The following TM9SF3 variants were observed in gnomAD, a reference collection of about 807,000 sequenced individuals.
TM9SF3 encodes the protein transmembrane 9 superfamily member 3, also known as SM-11044-binding protein.
TM9SF3 carries 14 observed loss-of-function variants against 78.6 expected under a neutral mutation model. The ratio of observed to expected loss-of-function variants is 0.18; its 90% CI spans 0.12 to 0.28. The LOEUF (loss-of-function observed/expected upper bound fraction) is 0.28. TM9SF3 is among the 10% of genes least tolerant of loss of function. The pLI is 1.00. For synonymous variants in TM9SF3, 231 were observed against 241.7 expected (o/e 0.96, Z 0.41); for missense variants, 496 against 721.9 (o/e 0.69, Z 3.59).
At chr10:96,549,045 C>T (rs1045162015) in intron 7 of TM9SF3, among the ~76,000 whole-genome samples, 3 of 152,100 alleles carry the variant, frequency 2.0e-5, no homozygotes, top group Non-Finnish European at 4.4e-5. Context: ...CTACACCTGC[C>T]ACAGCCTTAC....
chr10:96,540,794 T>G (rs1226258651), intron 9 of TM9SF3, among the ~76,000 whole-genome samples: 37 of 122,836 alleles, frequency 3.0e-4, no homozygotes, highest in African/African-American at 9.0e-4. Context: ...TTTTTTTTTT[T>G]GAGATGGAGT....
Position 96,522,458 on chromosome 10 carries a change from T to C in TM9SF3, c.1703-128A>G. The C allele has an allele frequency of 5.7e-6, 4 of 703,214 alleles. No homozygotes were observed. The East Asian group carries it at 1.3e-4, about 23-fold the overall frequency. The allele number at this position is 703,214 out of a possible 1,614,324, so 43.6% of individuals were successfully genotyped here. On this transcript the variant is annotated intron_variant, in intron 14 of 14. Transcript: ENST00000371142. ...AAAGAAAATATCCTTATGTTAGTATTCTCTCTGAACTTACTAAAACTGTAT... is the reference window on the plus strand; with the variant it reads ...AAAGAAAATATCCTTATGTTAGTATCCTCTCTGAACTTACTAAAACTGTAT...
chr10:96,580,274 G>T (rs1179238211), intron 1 of TM9SF3, among the ~76,000 whole-genome samples: 1 of 151,958 alleles, frequency 6.6e-6, no homozygotes, highest in Non-Finnish European at 1.5e-5. Flanking sequence ...TTGTGTGTGT[G>T]TGTGTGTGTG....
At chr10:96,563,216 C>T (rs970278271) in intron 3 of TM9SF3, among the ~76,000 whole-genome samples, 1 of 152,112 alleles carries the variant, frequency 6.6e-6, no homozygotes, top group Admixed American at 6.5e-5. Context: ...GTTAGGACTA[C>T]AGGCAAGTGC....
At chr10:96,584,139 T>C (rs1347705158) in intron 1 of TM9SF3, among the ~76,000 whole-genome samples, 1 of 152,212 alleles carries the variant, frequency 6.6e-6, no homozygotes, top group Non-Finnish European at 1.5e-5. Context: ...GCAATTAACC[T>C]AAAAGGCCAG....
intron 9 of TM9SF3, among the ~76,000 whole-genome samples, chr10:96,538,979 C>T (rs1847990592): frequency 6.6e-6 from 1 of 152,144 alleles, no homozygotes; most frequent in African/African-American, 2.4e-5. Flanking sequence ...CTTAAACTAC[C>T]ATATGACCCA....
intron 5 of TM9SF3, among the ~76,000 whole-genome samples, chr10:96,559,194 C>T (rs1312625285): frequency 1.3e-5 from 2 of 152,050 alleles, no homozygotes; most frequent in Non-Finnish European, 2.9e-5. Context: ...TTTCTCACAC[C>T]GTAAGTTGTA....
intron 1 of TM9SF3, chr10:96,577,625 A>G (rs1242374746): frequency 1.3e-5 from 2 of 152,256 alleles, no homozygotes; most frequent in Non-Finnish European, 2.9e-5. Context: ...TTTAAAACTA[A>G]TAATTCTAAG....
chr10:96,542,340 C>T (rs930790984), intron 9 of TM9SF3, among the ~76,000 whole-genome samples: 12 of 152,146 alleles, frequency 7.9e-5, no homozygotes, highest in African/African-American at 2.9e-4. Flanking sequence ...TTGTAGGAGC[C>T]TGCCAAGTAC....
At chr10:96,544,952 G>GAA (rs113643515) in intron 8 of TM9SF3, among the ~76,000 whole-genome samples, 67 of 151,680 alleles carry the variant, frequency 4.4e-4, no homozygotes, top group African/African-American at 1.4e-3. Flanking sequence ...CGTTTGAAAA[G>GAA]AAAAAAAACC....
At chr10:96,585,764 T>G (rs1453654011) in intron 1 of TM9SF3, among the ~76,000 whole-genome samples, 1 of 152,212 alleles carries the variant, frequency 6.6e-6, no homozygotes, top group African/African-American at 2.4e-5. Flanking sequence ...CAGTCTCTCA[T>G]AGAAACTCCT....
chr10:96,559,977 G>A (rs1402648873), intron 4 of TM9SF3, among the ~76,000 whole-genome samples: 1 of 152,174 alleles, frequency 6.6e-6, no homozygotes, highest in African/African-American at 2.4e-5. Flanking sequence ...CTCAAGGACT[G>A]TTTACTTTTG....
At chr10:96,556,651 C>T (rs960814226) in intron 5 of TM9SF3, among the ~76,000 whole-genome samples, 1 of 151,814 alleles carries the variant, frequency 6.6e-6, no homozygotes, top group Non-Finnish European at 1.5e-5. Context: ...GTTTTTCTTA[C>T]ATTTAAAAAA....
intron 2 of TM9SF3, among the ~76,000 whole-genome samples, chr10:96,566,225 AC>A (rs1472608075): frequency 6.6e-6 from 1 of 152,244 alleles, no homozygotes. Flanking sequence ...CTGAACAAGA[AC>A]AAAAAAGCAA....
intron 6 of TM9SF3, among the ~76,000 whole-genome samples, chr10:96,551,852 G>C (rs1419250212): frequency 1.3e-5 from 2 of 152,070 alleles, no homozygotes; most frequent in African/African-American, 2.4e-5. Context: ...ATGTCCTTTA[G>C]CGCCTAGAAT....
intron 6 of TM9SF3, 49 bp downstream of exon 6, chr10:96,552,879 A>C: frequency 7.0e-7 from 1 of 1,435,724 alleles, no homozygotes; most frequent in East Asian, 2.6e-5. Flanking sequence ...TTTAAAACTT[A>C]ACACTCAGTT....
At chr10:96,579,251 G>A (rs1489605671) in intron 1 of TM9SF3, among the ~76,000 whole-genome samples, 1 of 152,176 alleles carries the variant, frequency 6.6e-6, no homozygotes, top group Non-Finnish European at 1.5e-5. Flanking sequence ...AAAATAAGGG[G>A]AGGTAACATA....
intron 7 of TM9SF3, among the ~76,000 whole-genome samples, chr10:96,548,967 G>A (rs1848134276): frequency 6.6e-6 from 1 of 152,020 alleles, no homozygotes; most frequent in African/African-American, 2.4e-5. Flanking sequence ...TCTGCTGAGG[G>A]AGGCAACAGT....
intron 2 of TM9SF3, 155 bp downstream of exon 2, chr10:96,576,479 G>C (rs979019912): frequency 8.4e-6 from 5 of 592,126 alleles, no homozygotes; most frequent in African/African-American, 5.8e-5. Flanking sequence ...TGGCATCTGG[G>C]GGGTACAGGC....
Sources: gnomAD v4.1 joint callset for allele counts (sites outside exome capture counted in the v4.1 genomes callset) on GRCh38, gnomAD v4.1.1 for gene constraint, MANE v1.5 for transcripts, NCBI Gene and HGNC (gene_info 2026-07-23, HGNC 2026-07-21) for gene names.